COL8A1: variants seen among roughly 807,000 people sequenced by gnomAD.
COL8A1 encodes collagen type VIII alpha 1 chain.
Under a neutral mutation model 42.7 loss-of-function variants are expected in COL8A1, and 21 were observed. The ratio of observed to expected loss-of-function variants is 0.49; its 90% CI spans 0.35 to 0.71. COL8A1 has a LOEUF of 0.71. COL8A1 is among the 30% of genes least tolerant of loss of function. The probability of loss-of-function intolerance (pLI) is 0.01; values close to 1 mark genes in which losing one functional copy is unlikely to be tolerated. For missense variants in COL8A1, 788 were observed against 962.4 expected, an observed-to-expected ratio of 0.82 and a Z score of 2.40; for synonymous variants, 367 against 369.1, an observed-to-expected ratio of 0.99 and a Z score of 0.06.
chr3:99,742,946 A>G (rs1005552932), intron 1 of COL8A1, among the ~76,000 whole-genome samples: 1 of 152,238 alleles, frequency 6.6e-6, no homozygotes, highest in Non-Finnish European at 1.5e-5. Context: ...GCAGTTCAGC[A>G]CCATGAGGGA....
intron 1 of COL8A1, among the ~76,000 whole-genome samples, chr3:99,735,794 C>G (rs1386377976): frequency 4.9e-4 from 75 of 151,566 alleles, no homozygotes; most frequent in African/African-American, 1.1e-3. Context: ...ACTCTTTTTG[C>G]TTGGTAAGCT....
chr3:99,707,674 T>C (rs1939719976), intron 1 of COL8A1, among the ~76,000 whole-genome samples: 1 of 152,132 alleles, frequency 6.6e-6, no homozygotes, highest in Admixed American at 6.6e-5. Context: ...TTGGGGCACT[T>C]CCAGAGACAA....
chr3:99,749,324 G>T (rs1182274154), intron 2 of COL8A1, among the ~76,000 whole-genome samples: 1 of 151,980 alleles, frequency 6.6e-6, no homozygotes, highest in Non-Finnish European at 1.5e-5. Context: ...AGAACCAAAG[G>T]TCTTAACCAC....
At chr3:99,757,113 G>C (rs1163193435) in intron 2 of COL8A1, among the ~76,000 whole-genome samples, 2 of 152,146 alleles carry the variant, frequency 1.3e-5, no homozygotes, top group Non-Finnish European at 2.9e-5. Flanking sequence ...CTGGCAAATA[G>C]TTGGCATTCA....
intron 1 of COL8A1, chr3:99,675,797 G>A (rs977906446): frequency 1.3e-5 from 2 of 152,388 alleles, no homozygotes; most frequent in African/African-American, 4.8e-5. Flanking sequence ...AAACACAAAT[G>A]TAAGTAGAAT....
intron 2 of COL8A1, among the ~76,000 whole-genome samples, chr3:99,762,470 A>G (rs1292483553): frequency 6.6e-6 from 1 of 152,188 alleles, no homozygotes; most frequent in African/African-American, 2.4e-5. Flanking sequence ...TAAAGTTCAA[A>G]TTTTCAGACT....
chr3:99,794,913 C>A lies in COL8A1; in HGVS notation c.1012C>A (p.Leu338Met). 1 of 1,599,146 alleles carries A rather than the reference C, an allele frequency of 6.3e-7. No individual in the cohort carries two copies. The highest frequency in any genetic ancestry group is 1.1e-5 in the South Asian group (1 of 89,084). The stretch of plus-strand genomic sequence containing the variant: ...TCCAGGTGGCAAAGGGGAGCAAGGA[C>A]TGCCAGGGCTACCAGGACCCCCAGG... ...GFPGGKGEQG[L>M]PGLPGPPGLP... The change falls in exon 4 of 4, where the codon CTG becomes ATG. Residue 338 changes from leucine to methionine, a missense_variant. Transcript: ENST00000652472. This position sits in a 1 kb window ranked among gnomAD's most constrained non-coding sequence, Gnocchi z 4.3.
intron 2 of COL8A1, among the ~76,000 whole-genome samples, chr3:99,757,370 C>T (rs546550192): frequency 4.3e-4 from 66 of 152,246 alleles, no homozygotes; most frequent in Admixed American, 6.5e-4. Context: ...ATGACATTGA[C>T]TAAGCATTAA....
chr3:99,650,570 G>C (rs1470394811), intron 1 of COL8A1, among the ~76,000 whole-genome samples: 1 of 152,024 alleles, frequency 6.6e-6, no homozygotes, highest in Non-Finnish European at 1.5e-5. Context: ...GAGTAGCTGG[G>C]ACTACAGGTG....
At chr3:99,695,647 T>C (rs1939344501) in intron 1 of COL8A1, among the ~76,000 whole-genome samples, 1 of 152,142 alleles carries the variant, frequency 6.6e-6, no homozygotes, top group Admixed American at 6.5e-5. Context: ...CCTCTCTCCC[T>C]CCTACTTTTC....
intron 1 of COL8A1, among the ~76,000 whole-genome samples, chr3:99,687,987 C>A (rs894086086): frequency 6.6e-6 from 1 of 152,148 alleles, no homozygotes; most frequent in South Asian, 2.1e-4. Flanking sequence ...GTTACATCCA[C>A]CAGCACTTCA....
chr3:99,732,709 A>G (rs548431278), intron 1 of COL8A1, among the ~76,000 whole-genome samples: 4 of 152,114 alleles, frequency 2.6e-5, no homozygotes, highest in South Asian at 2.1e-4. Context: ...ATGTCCTCAC[A>G]TTTCAAAACA....
chr3:99,651,026 T>C (rs1937829283), intron 1 of COL8A1, among the ~76,000 whole-genome samples: 1 of 152,212 alleles, frequency 6.6e-6, no homozygotes, highest in Non-Finnish European at 1.5e-5. Flanking sequence ...AAAGAAGTCT[T>C]CTTCCCTATA....
chr3:99,672,398 T>G (rs1217472702), intron 1 of COL8A1, among the ~76,000 whole-genome samples: 1 of 152,010 alleles, frequency 6.6e-6, no homozygotes, highest in Non-Finnish European at 1.5e-5. Context: ...GTATTTTCCA[T>G]CTTTTTATCT....
rs757686994 is a variant in COL8A1, at chr3:99,795,954, G to A, written c.2053G>A (p.Val685Met). 31 of 1,614,012 alleles carry A rather than the reference G, an allele frequency of 1.9e-5. No homozygotes were observed. Among genetic ancestry groups the A allele is most frequent in the East Asian group, 4.5e-5 (2 of 44,898 alleles). The change falls in exon 4 of 4, where the codon GTG (valine) becomes ATG (methionine). Residue 685 changes from valine (V) to methionine (M), a missense_variant. Transcript: ENST00000652472. Reference sequence around the variant, plus strand: ...TGCTCTATTCAAGAACAACGAGCCCGTGATGTACACGTACGACGAGTACAA... The same window carrying A: ...TGCTCTATTCAAGAACAACGAGCCCATGATGTACACGTACGACGAGTACAA... ...WVALFKNNEP[V>M]MYTYDEYKKG...
intron 2 of COL8A1, among the ~76,000 whole-genome samples, chr3:99,755,921 C>T (rs1941245002): frequency 6.6e-6 from 1 of 152,068 alleles, no homozygotes; most frequent in South Asian, 2.1e-4. Flanking sequence ...GGATTTTGAA[C>T]AGAGTGACAG....
intron 1 of COL8A1, among the ~76,000 whole-genome samples, chr3:99,729,093 T>C (rs1408801471): frequency 3.3e-5 from 5 of 152,040 alleles, no homozygotes; most frequent in Non-Finnish European, 7.4e-5. Context: ...TGGGAAACAT[T>C]TGATATATTT....
chr3:99,752,991 C>T (rs1458333464), intron 2 of COL8A1, among the ~76,000 whole-genome samples: 1 of 152,124 alleles, frequency 6.6e-6, no homozygotes, highest in Non-Finnish European at 1.5e-5. Context: ...AATCATTTAA[C>T]TTCCCTGGAC....
At position 99,795,881 on chromosome 3, in the gene COL8A1, C is replaced by CTA; in HGVS notation, c.1981_1982dup (p.Tyr662ThrfsTer25). 6.2e-7 allele frequency: 1 copy of CTA among 1,614,196 alleles called. No individual in the cohort carries two copies. The highest frequency in any genetic ancestry group is 8.5e-7 in the Non-Finnish European group (1 of 1,180,022). On this transcript the variant is annotated frameshift_variant, in exon 4 of 4. Transcript: ENST00000652472. LOFTEE classifies it high-confidence loss of function. ...TCTTCACCTGTGAGGTCCCTGGTGTCTACTACTTTGCATACCACGTTCACT... is the reference window on the plus strand; with the variant it reads ...TCTTCACCTGTGAGGTCCCTGGTGTCTATACTACTTTGCATACCACGTTCACT...
Sources: gnomAD v4.1 joint callset for allele counts (sites outside exome capture counted in the v4.1 genomes callset) on GRCh38, gnomAD v4.1.1 for gene constraint, Gnocchi (gnomAD v3.1) non-coding constraint, MANE v1.5 for transcripts, NCBI Gene and HGNC (gene_info 2026-07-23, HGNC 2026-07-21) for gene names.